Variants in PIK3R6 observed in about 807,000 individuals in gnomAD.
PIK3R6 encodes phosphoinositide 3-kinase regulatory subunit 6.
Under a neutral mutation model 84.9 loss-of-function variants are expected in PIK3R6, and 91 were observed. The ratio of observed to expected loss-of-function variants is 1.07; its 90% confidence interval spans 0.90 to 1.28. PIK3R6 has a LOEUF of 1.28. Among genes scored for constraint, PIK3R6 ranks in the 50% most tolerant of loss-of-function variants. The pLI is 0.00. For missense variants in PIK3R6, 996 were observed against 985.1 expected (o/e 1.01, Z -0.15); for synonymous variants, 416 against 411.4 (o/e 1.01, Z -0.13).
chr17:8,815,475 C>T (rs2087501979), intron 18 of PIK3R6, among the ~76,000 whole-genome samples: 1 of 149,930 alleles, frequency 6.7e-6, no homozygotes, highest in African/African-American at 2.5e-5. Context: ...CACTGCACTC[C>T]AACCTGGCAA....
intron 2 of PIK3R6, among the ~76,000 whole-genome samples, chr17:8,848,956 T>C (rs2088875368): frequency 6.6e-6 from 1 of 152,158 alleles, no homozygotes; most frequent in African/African-American, 2.4e-5. Context: ...TTTAGGGGAA[T>C]TAGAGTCTCA....
At chr17:8,840,650 C>T (rs1264462754) in intron 2 of PIK3R6, among the ~76,000 whole-genome samples, 1 of 146,508 alleles carries the variant, frequency 6.8e-6, no homozygotes, top group Admixed American at 6.9e-5. Flanking sequence ...TATATATATC[C>T]TCCAAATATA....
chr17:8,862,496 G>A lies in PIK3R6; in HGVS notation c.-92+5033C>T, dbSNP rs1881416395. On this transcript the variant is annotated intron_variant, in intron 1 of 19. Coordinates refer to ENST00000619866, the MANE Select transcript of PIK3R6 (RefSeq NM_001010855.4). The surrounding 1 kb of genome is among the most constrained non-coding windows in gnomAD (Gnocchi z 4.3). ...AGAAGACACTGGTCCCATAAGAAATGTGGAGACAGACACAATGGTGAGAAG... is the reference window on the plus strand; with the variant it reads ...AGAAGACACTGGTCCCATAAGAAATATGGAGACAGACACAATGGTGAGAAG... Among the ~76,000 whole-genome samples the A allele has an allele frequency of 6.6e-6, 1 of 152,138 alleles. No homozygotes were observed. Among genetic ancestry groups the A allele is most frequent in the African/African-American group, 2.4e-5 (1 of 41,420 alleles).
At chr17:8,814,215 C>CTTTTTTTTTTTTTTTTTTTTTTTTT (rs112750429) in intron 18 of PIK3R6, among the ~76,000 whole-genome samples, 2 of 85,540 alleles carry the variant, frequency 2.3e-5, no homozygotes, top group Admixed American at 1.6e-4. Flanking sequence ...AGAGAGAGAT[C>CTTTTTTTTTTTTTTTTTTTTTTTTT]TTTTTTTTTT....
chr17:8,821,570 C>A, intron 17 of PIK3R6, among the ~76,000 whole-genome samples: 1 of 152,160 alleles, frequency 6.6e-6, no homozygotes. Flanking sequence ...GTCCTGCAGT[C>A]CCAATTCCGT....
intron 1 of PIK3R6, among the ~76,000 whole-genome samples, chr17:8,851,284 T>C (rs191393376): frequency 0.01 from 1,541 of 152,022 alleles, 23 homozygotes; most frequent in African/African-American, 0.035. Flanking sequence ...GATCACGAGG[T>C]CAGGAGATGG....
At chr17:8,819,921 TTA>T (rs72259680) in intron 17 of PIK3R6, among the ~76,000 whole-genome samples, 32,156 of 135,976 alleles carry the variant, frequency 0.24, 4,086 homozygotes, top group East Asian at 0.42. Flanking sequence ...TATATATATT[TTA>T]TATATATATA....
At chr17:8,835,922 T>C (rs1197871194) in intron 7 of PIK3R6, among the ~76,000 whole-genome samples, 6 of 151,944 alleles carry the variant, frequency 3.9e-5, no homozygotes, top group African/African-American at 1.5e-4. Flanking sequence ...TCTCCCCACC[T>C]CTCCCATGGG....
At chr17:8,858,125 T>C (rs533297756) in intron 1 of PIK3R6, among the ~76,000 whole-genome samples, 2 of 152,210 alleles carry the variant, frequency 1.3e-5, no homozygotes, top group East Asian at 1.9e-4. Context: ...ACCACACCAG[T>C]GTGGGGGAAG....
chr17:8,816,330 C>G (rs1272830637), intron 18 of PIK3R6, among the ~76,000 whole-genome samples: 2 of 152,072 alleles, frequency 1.3e-5, no homozygotes, highest in African/African-American at 4.8e-5. Flanking sequence ...TATTTTGCAA[C>G]CAATGTGATA....
Position 8,858,745 on chromosome 17 carries a change from C to T in PIK3R6, c.-92+8784G>A, listed in dbSNP as rs115082980. 7.7e-3 allele frequency among the ~76,000 whole-genome samples: 1,166 copies of T among 152,304 alleles called. 12 individuals are homozygous for T. The highest frequency in any genetic ancestry group is 0.026 in the African/African-American group (1,099 of 41,552). On this transcript the variant is annotated intron_variant, in intron 1 of 19. Coordinates refer to ENST00000619866, the MANE Select transcript of PIK3R6 (RefSeq NM_001010855.4). ...GAGTGGCTGTTACTGTTTGACTTCT[C>T]ATGTATGATTCCTCATTTCAGCAGC...
chr17:8,840,294 A>AAATATGTATATGAAATATATATAGCCTC (rs2088631078), intron 2 of PIK3R6, among the ~76,000 whole-genome samples: 7 of 97,116 alleles, frequency 7.2e-5, no homozygotes, highest in African/African-American at 2.3e-4. Flanking sequence ...TATACAGCCT[A>AAATATGTATATGAAATATATATAGCCTC]CAAATATGTA....
In PIK3R6 at chr17:8,862,315, G is replaced by A. The variant is rs778668846; in HGVS notation, c.-92+5214C>T. ...TGGAAGGCCCTTGATAAATATGCTCGAATGAATGAATGTCAGGCACTCATA... is the reference window on the plus strand; with the variant it reads ...TGGAAGGCCCTTGATAAATATGCTCAAATGAATGAATGTCAGGCACTCATA... On this transcript the variant is annotated intron_variant, in intron 1 of 19. Coordinates refer to ENST00000619866, the MANE Select transcript of PIK3R6 (RefSeq NM_001010855.4). The surrounding 1 kb of genome is among the most constrained non-coding windows in gnomAD (Gnocchi z 4.3). Among the ~76,000 whole-genome samples the A allele has an allele frequency of 6.6e-6, 1 of 152,160 alleles. No homozygotes were observed. Among genetic ancestry groups the A allele is most frequent in the Non-Finnish European group, 1.5e-5 (1 of 68,032 alleles).
intron 1 of PIK3R6, among the ~76,000 whole-genome samples, chr17:8,853,260 C>A (rs1053004436): frequency 8.6e-5 from 13 of 151,568 alleles, no homozygotes; most frequent in African/African-American, 3.2e-4. Context: ...CCGAGGGGGG[C>A]AGATCACAGG....
chr17:8,855,092 C>T (rs2089090530), intron 1 of PIK3R6, among the ~76,000 whole-genome samples: 1 of 152,152 alleles, frequency 6.6e-6, no homozygotes. Flanking sequence ...ACTCAGGAGG[C>T]TGAGGCAGGA....
At chr17:8,819,048 G>A in intron 18 of PIK3R6, 35 bp downstream of exon 18, 2 of 1,476,986 alleles carry the variant, frequency 1.4e-6, no homozygotes, top group Middle Eastern at 2.4e-4. Flanking sequence ...TGTCCCAGCT[G>A]GCTGTCTCCC....
chr17:8,820,724 A>T (rs957504139), intron 17 of PIK3R6, among the ~76,000 whole-genome samples: 1 of 152,240 alleles, frequency 6.6e-6, no homozygotes, highest in Non-Finnish European at 1.5e-5. Context: ...TTTGTGCCAG[A>T]TGCTAAGGAA....
rs539970059 is a variant in PIK3R6, at chr17:8,839,439, G to C, written c.97+175C>G. ...GCTGGGAGGGTTGAACTAGGGAGCA[G>C]AGAAGCCTTCTCAGTCCTTCAGGCT... is the stretch of plus-strand genomic sequence containing the variant. On this transcript the variant is annotated intron_variant, in intron 3 of 19. Transcript: ENST00000619866. The surrounding 1 kb of genome is among the most constrained non-coding windows in gnomAD (Gnocchi z 4.2). Among the ~76,000 whole-genome samples the C allele has an allele frequency of 6.6e-6, 1 of 152,326 alleles. No individual in the cohort carries two copies. Among genetic ancestry groups the C allele is most frequent in the Non-Finnish European group, 1.5e-5 (1 of 68,022 alleles).
In PIK3R6 at chr17:8,823,142, C is replaced by A. The variant is rs1312149532; in HGVS notation, c.1627-56G>T. On this transcript the variant is annotated intron_variant, in intron 14 of 19. Transcript: ENST00000619866. Reference sequence around the variant, plus strand: ...TGGTGTGATTTCCAAATCACTCTATCCCTGATTTCCAGGGATCCAGGGCCA... The same window carrying A: ...TGGTGTGATTTCCAAATCACTCTATACCTGATTTCCAGGGATCCAGGGCCA... The A allele has an allele frequency of 8.0e-6, 11 of 1,367,454 alleles. No homozygotes were observed. In the Admixed American group the frequency reaches 1.2e-4, roughly 15 times the overall value. The allele number at this position is 1,367,454 out of a possible 1,614,324, so 84.7% of individuals were successfully genotyped here. A position where few individuals can be genotyped will look rare whatever the true frequency, so the allele number is the denominator to read the frequency against.
Sources: allele counts gnomAD v4.1 joint callset (sites outside exome capture counted in the v4.1 genomes callset), GRCh38; gene constraint gnomAD v4.1.1; non-coding constraint Gnocchi (gnomAD v3.1); transcripts MANE v1.5; gene names NCBI Gene and HGNC (gene_info 2026-07-23, HGNC 2026-07-21).